Variants in MALRD1 observed in about 807,000 individuals in gnomAD.
The protein encoded by MALRD1 is MAM and LDL receptor class A domain containing 1, also known as MAM and LDL-receptor class A domain-containing protein 1.
A neutral mutation model predicts 242.1 loss-of-function variants in MALRD1; 247 were observed. That is an observed-to-expected ratio of 1.02 (90% CI 0.92 to 1.13). The LOEUF (loss-of-function observed/expected upper bound fraction) is 1.13, where lower values mean the gene tolerates loss of function less well. Among genes scored for constraint, MALRD1 ranks in the 50% most tolerant of loss-of-function variants. MALRD1 has a pLI of 0.00. For synonymous variants in MALRD1, 995 were observed against 866.6 expected (o/e 1.15, Z -2.60); for missense variants, 2,989 against 2,533.1 (o/e 1.18, Z -3.86).
chr10:19,474,291 A>G (rs1227432543), intron 29 of MALRD1, among the ~76,000 whole-genome samples: 2 of 152,192 alleles, frequency 1.3e-5, no homozygotes, highest in Non-Finnish European at 2.9e-5. Context: ...AGCAGCTAAT[A>G]AGAAAATATA....
At chr10:19,051,591 G>A (rs143897175) in intron 1 of MALRD1, 2 of 159,454 alleles carry the variant, frequency 1.3e-5, no homozygotes, top group African/African-American at 4.8e-5. Flanking sequence ...TTTACAAGAC[G>A]GACAGGAATG....
Position 19,331,452 on chromosome 10 carries a change from G to A in MALRD1, c.3771G>A (p.Leu1257=), listed in dbSNP as rs1686395401. The change falls in exon 24 of 40, where the codon TTG becomes TTA. Residue 1257 remains leucine, a synonymous_variant. Transcript: ENST00000454679. ...TTTCCTTCCAAGATTGCTCCCCTTT[G>A]CTTAGCCCAGAGAGAAAGTGTACTG... is the stretch of plus-strand genomic sequence containing the variant. ...DDISFQDCSP[L]LSPERKCTDH... is the part of the protein sequence containing the mutation. The A allele has an allele frequency of 1.3e-6, 2 of 1,550,486 alleles. No individual in the cohort carries two copies. The highest frequency in any genetic ancestry group is 1.7e-6 in the Non-Finnish European group (2 of 1,146,872).
chr10:19,243,558 A>AT (rs879731825), intron 18 of MALRD1, among the ~76,000 whole-genome samples: 35 of 151,344 alleles, frequency 2.3e-4, no homozygotes, highest in East Asian at 5.8e-4. Flanking sequence ...TAATTCTTTG[A>AT]TTTTTTTTTC....
At chr10:19,386,659 C>T (rs1846088133) in intron 26 of MALRD1, among the ~76,000 whole-genome samples, 2 of 151,938 alleles carry the variant, frequency 1.3e-5, no homozygotes, top group African/African-American at 4.8e-5. Flanking sequence ...ATAGTAAGGA[C>T]CAGGCACTGT....
At chr10:19,370,570 A>G (rs1173921459) in intron 26 of MALRD1, among the ~76,000 whole-genome samples, 1 of 151,886 alleles carries the variant, frequency 6.6e-6, no homozygotes, top group Non-Finnish European at 1.5e-5. Flanking sequence ...AAATTCACAT[A>G]TTGTTTTGTT....
intron 1 of MALRD1, chr10:19,051,991 C>G (rs1291472424): frequency 3.5e-6 from 1 of 288,306 alleles, no homozygotes; most frequent in East Asian, 9.2e-5. Flanking sequence ...GAATGTGGAC[C>G]TAAATACTCA....
At chr10:19,246,819 A>G (rs1839073054) in intron 18 of MALRD1, among the ~76,000 whole-genome samples, 1 of 152,154 alleles carries the variant, frequency 6.6e-6, no homozygotes, top group Admixed American at 6.6e-5. Flanking sequence ...TTATTTCTAT[A>G]TGTACAAAAA....
chr10:19,464,785 T>C (rs1836135528), intron 29 of MALRD1, among the ~76,000 whole-genome samples: 1 of 152,172 alleles, frequency 6.6e-6, no homozygotes, highest in South Asian at 2.1e-4. Context: ...ATTGAATTTG[T>C]AGATTGCTTT....
chr10:19,677,765 T>C (rs984232408), intron 36 of MALRD1, among the ~76,000 whole-genome samples: 21 of 152,182 alleles, frequency 1.4e-4, no homozygotes, highest in Non-Finnish European at 2.6e-4. Flanking sequence ...TGAATAGTAT[T>C]GCCTAAATTT....
At chr10:19,447,898 T>A (rs1456590776) in intron 28 of MALRD1, among the ~76,000 whole-genome samples, 2 of 152,210 alleles carry the variant, frequency 1.3e-5, no homozygotes, top group African/African-American at 4.8e-5. Context: ...TCTCCACCCC[T>A]TTCAATACAG....
chr10:19,241,060 G>T (rs552345328), intron 18 of MALRD1, among the ~76,000 whole-genome samples: 170 of 152,196 alleles, frequency 1.1e-3, no homozygotes, highest in African/African-American at 3.7e-3. Context: ...TTAGAATCAA[G>T]ATATTGCGAG....
chr10:19,372,657 G>A (rs1003796826), intron 26 of MALRD1, among the ~76,000 whole-genome samples: 1 of 151,790 alleles, frequency 6.6e-6, no homozygotes, highest in East Asian at 1.9e-4. Context: ...TAGTAGAGAT[G>A]GGGTTTCACC....
intron 21 of MALRD1, among the ~76,000 whole-genome samples, chr10:19,321,612 CTTTT>C (rs1050359936): frequency 1.3e-5 from 2 of 152,110 alleles, no homozygotes; most frequent in African/African-American, 4.8e-5. Context: ...AAATATTTGT[CTTTT>C]CTTTTTGTTA....
At chr10:19,184,695 G>A (rs1033061339) in intron 14 of MALRD1, among the ~76,000 whole-genome samples, 1 of 151,982 alleles carries the variant, frequency 6.6e-6, no homozygotes, top group Non-Finnish European at 1.5e-5. Flanking sequence ...CTACAGGTGA[G>A]CACCACCGTG....
intron 39 of MALRD1, among the ~76,000 whole-genome samples, chr10:19,732,102 C>T (rs1427671657): frequency 2.0e-5 from 3 of 151,886 alleles, no homozygotes; most frequent in Non-Finnish European, 4.4e-5. Flanking sequence ...TTAGATGATT[C>T]GACAAGTAAA....
chr10:19,432,011 A>G (rs1034988539), intron 28 of MALRD1, among the ~76,000 whole-genome samples: 1 of 151,778 alleles, frequency 6.6e-6, no homozygotes, highest in Non-Finnish European at 1.5e-5. Flanking sequence ...TTTCTCCTTC[A>G]GGAACCAAAT....
At chr10:19,105,845 T>G (rs1430488184) in intron 5 of MALRD1, among the ~76,000 whole-genome samples, 9 of 151,860 alleles carry the variant, frequency 5.9e-5, no homozygotes, top group Admixed American at 5.9e-4. Flanking sequence ...GCTATTGAGG[T>G]TTTGTGTCCA....
Position 19,395,900 on chromosome 10 carries a change from A to G in MALRD1, c.4845+6291A>G, listed in dbSNP as rs1846555891. 2.6e-5 allele frequency among the ~76,000 whole-genome samples: 4 copies of G among 152,020 alleles called. No individual in the cohort carries two copies. In the South Asian group the frequency reaches 8.3e-4, roughly 32 times the overall value. Reference sequence around the variant, plus strand: ...GTCCTACTAAGCTAGTTCCACTGGAATCTCTTCTGTCTTGAAGAAAAGATT... The same window carrying G: ...GTCCTACTAAGCTAGTTCCACTGGAGTCTCTTCTGTCTTGAAGAAAAGATT... On this transcript the variant is annotated intron_variant, in intron 28 of 39. Transcript: ENST00000454679.
At position 19,352,015 on chromosome 10, in the gene MALRD1, C is replaced by T. The variant is rs1488845394; in HGVS notation, c.4159C>T (p.His1387Tyr). 1 of 1,545,408 alleles carries T rather than the reference C, an allele frequency of 6.5e-7. No individual in the cohort carries two copies. Among genetic ancestry groups the T allele is most frequent in the South Asian group, 1.2e-5 (1 of 83,940 alleles). The change falls in exon 26 of 40, where the codon CAT (histidine) becomes TAT (tyrosine). Residue 1387 changes from histidine (H) to tyrosine (Y), a missense_variant. Physicochemically the swap from His to Tyr is moderately conservative, Grantham distance 83 (BLOSUM62 2). Transcript: ENST00000454679. ...CTATTCTTGATTACAGATTATTTTT[C>T]ATTATCACATGTATGGAAATGGCAT... The part of the protein sequence containing the change: ...KRSKNCKIIF[H>Y]YHMYGNGIGA...
Sources: gnomAD v4.1 joint callset for allele counts (sites outside exome capture counted in the v4.1 genomes callset) on GRCh38, gnomAD v4.1.1 for gene constraint, MANE v1.5 for transcripts, NCBI Gene and HGNC (gene_info 2026-07-23, HGNC 2026-07-21) for gene names.